TTC1: variants seen among roughly 807,000 people sequenced by gnomAD.
TTC1 encodes tetratricopeptide repeat domain 1, also known as tetratricopeptide repeat protein 1.
TTC1 carries 31 observed loss-of-function variants against 37.6 expected under a neutral mutation model. The ratio of observed to expected loss-of-function variants is 0.82; its 90% CI spans 0.62 to 1.11. The LOEUF is 1.11. TTC1 is among the 50% of genes most tolerant of loss of function. The probability of loss-of-function intolerance (pLI) is 0.00; values close to 1 mark genes in which losing one functional copy is unlikely to be tolerated. For missense variants in TTC1, 351 were observed against 339.0 expected (o/e 1.04, Z -0.28); for synonymous variants, 127 against 122.4 (o/e 1.04, Z -0.25).
rs1271491385 is a variant in TTC1, at chr5:160,051,117, T to G, written c.691-12T>G. On this transcript the variant is annotated splice_polypyrimidine_tract_variant and intron_variant, in intron 6 of 7. Coordinates refer to ENST00000231238, the MANE Select transcript of TTC1 (RefSeq NM_003314.3). ...TTTTTTTACCAACCCTTGTTTCTCC[T>G]CTTTTCCTCAGAGATTACCTAAGCA... 1.3e-6 allele frequency: 2 copies of G among 1,576,198 alleles called. No homozygotes were observed. The highest frequency in any genetic ancestry group is 2.3e-5 in the South Asian group (2 of 87,194).
intron 2 of TTC1, among the ~76,000 whole-genome samples, chr5:160,034,304 G>A (rs554059302): frequency 1.3e-5 from 2 of 152,190 alleles, no homozygotes; most frequent in South Asian, 2.1e-4. Flanking sequence ...CTCAGCATGC[G>A]TCTACTTTGC....
intron 2 of TTC1, among the ~76,000 whole-genome samples, chr5:160,020,557 G>C (rs1284567116): frequency 6.6e-6 from 1 of 152,224 alleles, no homozygotes; most frequent in Non-Finnish European, 1.5e-5. Context: ...GCTAGTGAGC[G>C]AAGCTTCATC....
chr5:160,055,277 GA>G (rs1757514403), intron 7 of TTC1, among the ~76,000 whole-genome samples: 1 of 152,154 alleles, frequency 6.6e-6, no homozygotes, highest in Non-Finnish European at 1.5e-5. Context: ...GTTCTTCCTT[GA>G]TCTGTCATCT....
chr5:160,013,742 C>CAA lies in TTC1; in HGVS notation c.330+2900_330+2901dup, dbSNP rs35968051. Among the ~76,000 whole-genome samples the CAA allele has an allele frequency of 6.8e-4, 63 of 92,176 alleles. 1 individual carries two copies. Among genetic ancestry groups the CAA allele is most frequent in the South Asian group, 1.6e-3 (5 of 3,044 alleles). The allele number at this position is 92,176 out of a possible 152,430, so 60.5% of individuals were successfully genotyped here. On this transcript the variant is annotated intron_variant, in intron 2 of 7. Transcript: ENST00000231238. ...TGGGTGACAGAGCAAGACTCTGTCT[C>CAA]AAAAAAAAAAAAAAAAATACTAACT...
At chr5:160,019,453 G>A (rs1756663275) in intron 2 of TTC1, among the ~76,000 whole-genome samples, 1 of 152,092 alleles carries the variant, frequency 6.6e-6, no homozygotes. Context: ...GGCTGTGGAT[G>A]TGTTTGCAGG....
At chr5:160,054,197 G>A (rs1446285949) in intron 7 of TTC1, among the ~76,000 whole-genome samples, 1 of 152,212 alleles carries the variant, frequency 6.6e-6, no homozygotes, top group Non-Finnish European at 1.5e-5. Context: ...AGTGTGATGA[G>A]ATGGAAATAG....
At chr5:160,037,066 T>G (rs1757010117) in intron 4 of TTC1, among the ~76,000 whole-genome samples, 1 of 152,122 alleles carries the variant, frequency 6.6e-6, no homozygotes, top group Non-Finnish European at 1.5e-5. Context: ...CTAGGTCAGG[T>G]TAATGAAGCA....
At chr5:160,061,279 T>C (rs1386919976) in intron 7 of TTC1, among the ~76,000 whole-genome samples, 1 of 152,240 alleles carries the variant, frequency 6.6e-6, no homozygotes, top group Non-Finnish European at 1.5e-5. Flanking sequence ...TAGACAAAGA[T>C]AGACCAAATC....
intron 7 of TTC1, among the ~76,000 whole-genome samples, chr5:160,051,600 G>T (rs989151520): frequency 3.2e-4 from 49 of 152,156 alleles, no homozygotes; most frequent in African/African-American, 1.2e-3. Context: ...TTAGAAAATG[G>T]CACTCAAAGT....
intron 2 of TTC1, among the ~76,000 whole-genome samples, chr5:160,023,255 C>CAAAA (rs113727015): frequency 9.1e-6 from 1 of 110,012 alleles, no homozygotes; most frequent in South Asian, 2.8e-4. Flanking sequence ...AACACTGTCT[C>CAAAA]AAAAAAAAAA....
chr5:160,034,989 C>A, intron 2 of TTC1, 151 bp from the exon 3 acceptor site: 1 of 511,788 alleles, frequency 2.0e-6, no homozygotes, highest in South Asian at 6.1e-5. Flanking sequence ...TTTTTTTCCT[C>A]TATCACTGTA....
intron 7 of TTC1, among the ~76,000 whole-genome samples, chr5:160,053,059 T>C (rs1217835796): frequency 2.0e-5 from 3 of 152,186 alleles, no homozygotes; most frequent in African/African-American, 2.4e-5. Context: ...GAGAAATCAC[T>C]CTTTACATGG....
intron 5 of TTC1, among the ~76,000 whole-genome samples, chr5:160,044,658 A>G (rs1581108099): frequency 2.0e-5 from 3 of 152,248 alleles, no homozygotes; most frequent in South Asian, 2.1e-4. Flanking sequence ...TTCCATCGCC[A>G]TCTTGGCTTT....
At chr5:160,015,978 G>A (rs1756596973) in intron 2 of TTC1, among the ~76,000 whole-genome samples, 1 of 152,222 alleles carries the variant, frequency 6.6e-6, no homozygotes, top group Non-Finnish European at 1.5e-5. Context: ...CTCTCATCTG[G>A]TGTCAGACCT....
rs545579992 is a variant in TTC1 at position 160,023,967 on chromosome 5, A to G, written c.331-11173A>G. 43 of 1,558,094 alleles carry G rather than the reference A, an allele frequency of 2.8e-5. No homozygotes were observed. The South Asian group carries it at 4.6e-4, about 17-fold the overall frequency. On this transcript the variant is annotated intron_variant, in intron 2 of 7. Transcript: ENST00000231238. ...TCTTCCTCATCAGGTATCAGAGAGT[A>G]TTTGGTCCCACCTGGTTGCATGAAA...
At chr5:160,063,132 G>T (rs1753480336) in intron 7 of TTC1, among the ~76,000 whole-genome samples, 1 of 152,198 alleles carries the variant, frequency 6.6e-6, no homozygotes, top group Non-Finnish European at 1.5e-5. Flanking sequence ...AGATGGGTTG[G>T]CCTTTCTCTG....
chr5:160,013,863 T>G (rs569727718), intron 2 of TTC1, among the ~76,000 whole-genome samples: 41 of 152,246 alleles, frequency 2.7e-4, no homozygotes, highest in African/African-American at 9.9e-4. Context: ...GAATTTAAAT[T>G]GTTATGTCAC....
chr5:160,060,990 G>A (rs1304415495), intron 7 of TTC1, among the ~76,000 whole-genome samples: 4 of 152,196 alleles, frequency 2.6e-5, no homozygotes, highest in Admixed American at 2.0e-4. Flanking sequence ...CTCCCCTTCT[G>A]GTTCATTCTT....
chr5:160,010,048 A>G (rs745436909), intron 1 of TTC1, among the ~76,000 whole-genome samples: 46 of 152,156 alleles, frequency 3.0e-4, no homozygotes, highest in Non-Finnish European at 5.4e-4. Flanking sequence ...ACAGAACACG[A>G]ACGGTGGAAC....
Sources: gnomAD v4.1 joint callset for allele counts (sites outside exome capture counted in the v4.1 genomes callset) on GRCh38, gnomAD v4.1.1 for gene constraint, MANE v1.5 for transcripts, NCBI Gene and HGNC (gene_info 2026-07-23, HGNC 2026-07-21) for gene names.